CPNE4: variants seen among roughly 807,000 people sequenced by gnomAD.
CPNE4 encodes the protein copine-4.
CPNE4 carries 25 observed loss-of-function variants against 67.9 expected under a neutral mutation model. The observed-to-expected ratio is 0.37, with a 90% CI of 0.27 to 0.51. CPNE4 has a LOEUF of 0.51. Ranked by LOEUF, CPNE4 falls within the 20% of genes least tolerant of loss-of-function variation. The pLI, the probability that CPNE4 is intolerant of heterozygous loss-of-function variation, is 0.93. For missense variants in CPNE4, 464 were observed against 690.8 expected (o/e 0.67, Z 3.68); for synonymous variants, 242 against 244.9 (o/e 0.99, Z 0.11).
intron 11 of CPNE4, among the ~76,000 whole-genome samples, chr3:131,556,907 T>C (rs1309233210): frequency 1.3e-5 from 2 of 152,136 alleles, no homozygotes; most frequent in African/African-American, 4.8e-5. Context: ...TGTATCTATT[T>C]ATTAAATTCT....
rs142903835 is a variant in CPNE4 at position 131,730,635 on chromosome 3, G to A, written c.181-7010C>T. 1.3e-4 allele frequency among the ~76,000 whole-genome samples: 20 copies of A among 152,230 alleles called. No individual in the cohort carries two copies. In the South Asian group the frequency reaches 2.1e-3, roughly 16 times the overall value. On this transcript the variant is annotated intron_variant, in intron 2 of 15. Coordinates refer to ENST00000429747, the MANE Select transcript of CPNE4 (RefSeq NM_130808.3). ...TATGACTAATGTCCTTATAAAAATG[G>A]GAAATTTTGACACAGACATGAACAC...
At chr3:131,798,535 T>A (rs1384192331) in intron 2 of CPNE4, among the ~76,000 whole-genome samples, 1 of 152,166 alleles carries the variant, frequency 6.6e-6, no homozygotes, top group Admixed American at 6.6e-5. Flanking sequence ...ATACCTACAG[T>A]GTTATGAAAA....
intron 7 of CPNE4, among the ~76,000 whole-genome samples, chr3:131,657,652 A>G (rs2080009344): frequency 6.7e-6 from 1 of 149,754 alleles, no homozygotes; most frequent in African/African-American, 2.5e-5. Flanking sequence ...CTCCTGCCTC[A>G]GCCTCCCGAG....
At chr3:131,764,774 A>C (rs1185810137) in intron 2 of CPNE4, among the ~76,000 whole-genome samples, 1 of 152,102 alleles carries the variant, frequency 6.6e-6, no homozygotes, top group Non-Finnish European at 1.5e-5. Flanking sequence ...TTGTGTATTT[A>C]CTGGTAGAAC....
At chr3:131,958,607 TTC>T (rs1424580034) in intron 1 of CPNE4, among the ~76,000 whole-genome samples, 1 of 72,534 alleles carries the variant, frequency 1.4e-5, no homozygotes, top group Non-Finnish European at 2.9e-5. Flanking sequence ...TTTCTTTCTT[TTC>T]TTTTTTTTTT....
chr3:131,834,433 T>C (rs1248781177), intron 2 of CPNE4, among the ~76,000 whole-genome samples: 4 of 152,194 alleles, frequency 2.6e-5, no homozygotes, highest in Admixed American at 2.6e-4. Context: ...TATTTAAATT[T>C]CAATAGATGA....
intron 2 of CPNE4, among the ~76,000 whole-genome samples, chr3:131,811,999 A>G (rs1478396454): frequency 4.6e-5 from 7 of 152,064 alleles, no homozygotes; most frequent in Non-Finnish European, 1.0e-4. Context: ...TAAGTATAGG[A>G]GAGTGCGCCG....
At chr3:131,694,810 G>A (rs1403759345) in intron 5 of CPNE4, among the ~76,000 whole-genome samples, 1 of 152,164 alleles carries the variant, frequency 6.6e-6, no homozygotes, top group Non-Finnish European at 1.5e-5. Flanking sequence ...TCCACAAGCT[G>A]AGTACCACTG....
At chr3:131,787,137 C>T (rs2083588142) in intron 2 of CPNE4, among the ~76,000 whole-genome samples, 2 of 152,168 alleles carry the variant, frequency 1.3e-5, no homozygotes, top group East Asian at 3.9e-4. Context: ...TGTAAGATTT[C>T]TCCTGGGTCT....
intron 14 of CPNE4, among the ~76,000 whole-genome samples, chr3:131,545,304 A>C (rs78733009): frequency 2.0e-5 from 3 of 152,206 alleles, no homozygotes; most frequent in Non-Finnish European, 4.4e-5. Context: ...ATTGAAAAAC[A>C]GTTTAGTTTA....
intron 7 of CPNE4, among the ~76,000 whole-genome samples, chr3:131,613,959 A>C (rs929837031): frequency 2.0e-5 from 3 of 152,168 alleles, no homozygotes; most frequent in African/African-American, 7.2e-5. Flanking sequence ...TTTAAACTTA[A>C]TTAAGAGTTT....
intron 2 of CPNE4, among the ~76,000 whole-genome samples, chr3:131,780,660 G>A (rs2083409422): frequency 6.6e-6 from 1 of 152,050 alleles, no homozygotes; most frequent in Non-Finnish European, 1.5e-5. Flanking sequence ...AGACACTGGG[G>A]CTTATTTGAG....
chr3:132,011,803 C>G (rs1324682721), intron 1 of CPNE4, among the ~76,000 whole-genome samples: 5 of 152,166 alleles, frequency 3.3e-5, no homozygotes, highest in Non-Finnish European at 7.3e-5. Context: ...GCAACAGGAG[C>G]CTGTGTCAAA....
chr3:131,723,775 A>C, intron 2 of CPNE4, 150 bp from the exon 3 acceptor site: 1 of 604,122 alleles, frequency 1.7e-6, no homozygotes, highest in Non-Finnish European at 2.9e-6. Flanking sequence ...TACAAAGTAC[A>C]GGCAATACCT....
At position 131,906,397 on chromosome 3, in the gene CPNE4, TCC is replaced by T. The variant is rs1053092820; in HGVS notation, c.-1-955_-1-954del. ...TAGGTATATCTCCTAATGCTATCCC[TCC>T]CCCCCTCCCCCCACCCCACAACAGT... On this transcript the variant is annotated intron_variant, in intron 1 of 15. Transcript: ENST00000429747. Among the ~76,000 whole-genome samples the T allele has an allele frequency of 2.9e-4, 23 of 78,154 alleles. No individual in the cohort carries two copies. The East Asian group carries it at 4.6e-3, about 16-fold the overall frequency. 51.3% of individuals were successfully genotyped at this position (78,154 alleles called of 152,430 possible).
chr3:131,607,874 C>T (rs1196410521), intron 7 of CPNE4, among the ~76,000 whole-genome samples: 3 of 152,250 alleles, frequency 2.0e-5, no homozygotes, highest in Admixed American at 6.5e-5. Flanking sequence ...AACCAGCCAC[C>T]AAGGGCACAA....
chr3:131,811,871 G>A (rs923676534), intron 2 of CPNE4, among the ~76,000 whole-genome samples: 1 of 152,068 alleles, frequency 6.6e-6, no homozygotes, highest in Non-Finnish European at 1.5e-5. Context: ...TAAATATCCT[G>A]GTTAGGAAAC....
At chr3:131,837,671 A>C (rs1007201735) in intron 2 of CPNE4, among the ~76,000 whole-genome samples, 2 of 152,046 alleles carry the variant, frequency 1.3e-5, no homozygotes, top group Non-Finnish European at 2.9e-5. Flanking sequence ...TGATAGAACT[A>C]TATACTACCC....
chr3:131,603,897 G>A (rs1939352993), intron 7 of CPNE4, among the ~76,000 whole-genome samples: 1 of 152,014 alleles, frequency 6.6e-6, no homozygotes, highest in Admixed American at 6.6e-5. Flanking sequence ...ATTTTCCAGG[G>A]GCTAAAGGCT....
Sources: gnomAD v4.1 joint callset for allele counts (sites outside exome capture counted in the v4.1 genomes callset) on GRCh38, gnomAD v4.1.1 for gene constraint, MANE v1.5 for transcripts, NCBI Gene and HGNC (gene_info 2026-07-23, HGNC 2026-07-21) for gene names.